Variants in ZNF280D observed in about 807,000 individuals in gnomAD.
ZNF280D encodes suppressor of hairy wing homolog 4.
Under a neutral mutation model 94.7 loss-of-function variants are expected in ZNF280D, and 39 were observed. The ratio of observed to expected loss-of-function variants is 0.41; its 90% CI spans 0.32 to 0.54. The LOEUF (loss-of-function observed/expected upper bound fraction) is 0.54, where lower values mean the gene tolerates loss of function less well. ZNF280D is among the 20% of genes least tolerant of loss of function. The pLI, the probability that ZNF280D is intolerant of heterozygous loss-of-function variation, is 0.22. For missense variants in ZNF280D, 1,090 were observed against 1,149.3 expected, an observed-to-expected ratio of 0.95 and a Z score of 0.75; for synonymous variants, 398 against 377.6, an observed-to-expected ratio of 1.05 and a Z score of -0.63.
At chr15:56,662,288 C>T (rs1422275780) in intron 16 of ZNF280D, among the ~76,000 whole-genome samples, 1 of 151,768 alleles carries the variant, frequency 6.6e-6, no homozygotes, top group Non-Finnish European at 1.5e-5. Flanking sequence ...CTAAAAAATG[C>T]TGCTTAAAAA....
At chr15:56,731,522 A>AG (rs2058888211) in intron 1 of ZNF280D, among the ~76,000 whole-genome samples, 1 of 150,894 alleles carries the variant, frequency 6.6e-6, no homozygotes, top group Non-Finnish European at 1.5e-5. Context: ...AAAAAAAAAA[A>AG]AAAAAAGACT....
intron 7 of ZNF280D, among the ~76,000 whole-genome samples, chr15:56,689,747 T>C (rs993729837): frequency 2.0e-5 from 3 of 151,372 alleles, no homozygotes; most frequent in African/African-American, 7.3e-5. Context: ...TAAATAGCTA[T>C]CACAAAGGGA....
chr15:56,703,825 G>A (rs906953213), intron 4 of ZNF280D, among the ~76,000 whole-genome samples: 1 of 151,898 alleles, frequency 6.6e-6, no homozygotes, highest in South Asian at 2.1e-4. Flanking sequence ...CTGCACTCCA[G>A]ACTAGCGACA....
chr15:56,730,714 T>C (rs1300112186), intron 1 of ZNF280D: 1 of 152,206 alleles, frequency 6.6e-6, no homozygotes, highest in African/African-American at 2.4e-5. Context: ...ATAGAAGCAT[T>C]CCAAGTTCCC....
chr15:56,678,556 A>G (rs1396359041), intron 11 of ZNF280D, 108 bp downstream of exon 11: 1 of 1,086,918 alleles, frequency 9.2e-7, no homozygotes, highest in African/African-American at 1.6e-5. Flanking sequence ...CTCAAATTCC[A>G]AAGTCTAGTT....
chr15:56,701,116 A>C (rs760669277), intron 5 of ZNF280D, 44 bp from the exon 6 acceptor site: 1 of 1,611,594 alleles, frequency 6.2e-7, no homozygotes, highest in Non-Finnish European at 8.5e-7. Flanking sequence ...ATTTGTACAT[A>C]ATCAATTTTG....
At chr15:56,721,698 G>A (rs1391191317) in intron 1 of ZNF280D, among the ~76,000 whole-genome samples, 2 of 152,324 alleles carry the variant, frequency 1.3e-5, no homozygotes, top group African/African-American at 4.8e-5. Flanking sequence ...GATCTGAAGA[G>A]AGTAGGGTCT....
At chr15:56,701,833 A>G (rs1343001626) in intron 4 of ZNF280D, among the ~76,000 whole-genome samples, 2 of 152,158 alleles carry the variant, frequency 1.3e-5, no homozygotes, top group African/African-American at 4.8e-5. Context: ...ATAGCATTTT[A>G]TTAGTTAAGA....
chr15:56,659,850 C>A (rs1053381193), intron 16 of ZNF280D, among the ~76,000 whole-genome samples: 3 of 151,566 alleles, frequency 2.0e-5, no homozygotes, highest in African/African-American at 7.3e-5. Flanking sequence ...AATGCTTACT[C>A]TCAGATACAA....
At chr15:56,700,568 A>G (rs1023303081) in intron 6 of ZNF280D, 1 of 1,103,448 alleles carries the variant, frequency 9.1e-7, no homozygotes, top group Non-Finnish European at 1.1e-6. Context: ...ATAAAAAGCT[A>G]TGATGGTCAC....
At chr15:56,698,666 G>A (rs2056887463) in intron 6 of ZNF280D, 1 of 152,150 alleles carries the variant, frequency 6.6e-6, no homozygotes, top group Non-Finnish European at 1.5e-5. Flanking sequence ...CAACAAAGGT[G>A]ACAGGATATA....
In ZNF280D at chr15:56,643,109, G is replaced by T; in HGVS notation, c.2214-112C>A. On this transcript the variant is annotated intron_variant, in intron 19 of 21. Coordinates refer to ENST00000267807, the MANE Select transcript of ZNF280D (RefSeq NM_017661.4). ...AATTAAAATGTAGATCGAAACTAAT[G>T]TACATTTTATACTTTAATAGTAAAT... 3 of 639,126 alleles carry T rather than the reference G, an allele frequency of 4.7e-6. No homozygotes were observed. In the South Asian group the frequency reaches 1.3e-4, roughly 27 times the overall value. The allele number at this position is 639,126 out of a possible 1,614,324, so 39.6% of individuals were successfully genotyped here. A position where few individuals can be genotyped will look rare whatever the true frequency, so the allele number is the denominator to read the frequency against.
At chr15:56,732,673 G>C (rs1257819567) in intron 1 of ZNF280D, 3 of 152,026 alleles carry the variant, frequency 2.0e-5, no homozygotes, top group African/African-American at 7.2e-5. Flanking sequence ...TTGCAGAAGC[G>C]GGTTCACCTT....
intron 11 of ZNF280D, among the ~76,000 whole-genome samples, chr15:56,678,148 C>G (rs1416909672): frequency 6.6e-6 from 1 of 151,954 alleles, no homozygotes; most frequent in Admixed American, 6.6e-5. Context: ...GCTGGGATTA[C>G]AGGCATGCAC....
intron 1 of ZNF280D, among the ~76,000 whole-genome samples, chr15:56,726,398 T>C (rs990176952): frequency 9.2e-5 from 14 of 152,190 alleles, no homozygotes; most frequent in African/African-American, 3.4e-4. Context: ...ATTATTCACA[T>C]TGTTTCCTAG....
At chr15:56,670,710 G>A (rs1322357437) in intron 13 of ZNF280D, among the ~76,000 whole-genome samples, 1 of 152,054 alleles carries the variant, frequency 6.6e-6, no homozygotes, top group Non-Finnish European at 1.5e-5. Flanking sequence ...ACCCAGCAAT[G>A]GGATTGCTGG....
chr15:56,733,456 A>G lies in ZNF280D; in HGVS notation c.-86+2T>C, dbSNP rs556683558. ...GGCGGGCGGGGGCGGGGGGGCGCTT[A>G]CCGTGAGCGGAGCGGATCGGCCTGA... On this transcript the variant is annotated splice_donor_variant, in intron 1 of 21. Transcript: ENST00000267807. LOFTEE classifies it low-confidence loss of function (5UTR_SPLICE). 1 of 1,074,044 alleles carries G rather than the reference A, an allele frequency of 9.3e-7. No individual in the cohort carries two copies. Among genetic ancestry groups the G allele is most frequent in the East Asian group, 1.0e-4 (1 of 9,630 alleles). 66.5% of individuals were successfully genotyped at this position (1,074,044 alleles called of 1,614,324 possible). A position where few individuals can be genotyped will look rare whatever the true frequency, so the allele number is the denominator to read the frequency against.
chr15:56,712,851 C>T (rs2057843580), intron 1 of ZNF280D, among the ~76,000 whole-genome samples: 1 of 151,314 alleles, frequency 6.6e-6, no homozygotes, highest in Admixed American at 6.6e-5. Context: ...AGTGATTCTC[C>T]TGCCTCAGCC....
chr15:56,723,692 T>C (rs931459266), intron 1 of ZNF280D, among the ~76,000 whole-genome samples: 16 of 152,166 alleles, frequency 1.1e-4, no homozygotes, highest in African/African-American at 3.9e-4. Context: ...CTTCAAAATA[T>C]TTCCCACACC....
Sources: allele counts gnomAD v4.1 joint callset (sites outside exome capture counted in the v4.1 genomes callset), GRCh38; gene constraint gnomAD v4.1.1; transcripts MANE v1.5; gene names NCBI Gene and HGNC (gene_info 2026-07-23, HGNC 2026-07-21).